FAXC: variants seen among roughly 807,000 people sequenced by gnomAD.
FAXC encodes failed axon connections homolog, metaxin like GST domain containing.
Under a neutral mutation model 41.9 loss-of-function variants are expected in FAXC, and 10 were observed. The observed-to-expected ratio is 0.24, with a 90% CI of 0.15 to 0.41. The LOEUF (loss-of-function observed/expected upper bound fraction) is 0.41. Among genes scored for constraint, FAXC ranks in the 10% least tolerant of loss-of-function variants. FAXC has a pLI of 1.00. For missense variants in FAXC, 399 were observed against 510.9 expected, an observed-to-expected ratio of 0.78 and a Z score of 2.11; for synonymous variants, 183 against 183.8, an observed-to-expected ratio of 1.00 and a Z score of 0.03.
chr6:99,328,727 T>C (rs1772919201), intron 3 of FAXC, among the ~76,000 whole-genome samples: 2 of 152,176 alleles, frequency 1.3e-5, no homozygotes, highest in Admixed American at 6.5e-5. Flanking sequence ...CCCTTCTCTC[T>C]AGTGATAGCT....
intron 2 of FAXC, among the ~76,000 whole-genome samples, chr6:99,339,728 CAT>C (rs932188876): frequency 5.9e-5 from 9 of 151,946 alleles, no homozygotes; most frequent in African/African-American, 1.9e-4. Context: ...AACAAACACA[CAT>C]AGAGCAATGC....
At chr6:99,297,965 G>T (rs1771564409) in intron 4 of FAXC, among the ~76,000 whole-genome samples, 1 of 152,190 alleles carries the variant, frequency 6.6e-6, no homozygotes, top group African/African-American at 2.4e-5. Flanking sequence ...CAGCACCTGA[G>T]TGTTAGTTAG....
At chr6:99,285,323 G>C (rs1022622965) in intron 5 of FAXC, among the ~76,000 whole-genome samples, 5 of 152,182 alleles carry the variant, frequency 3.3e-5, no homozygotes, top group African/African-American at 9.6e-5. Context: ...TCCATCAATA[G>C]GTATTGATGA....
At chr6:99,289,927 TCGGCACCAGAAGA>T (rs374411352) in intron 5 of FAXC, among the ~76,000 whole-genome samples, 1 of 151,866 alleles carries the variant, frequency 6.6e-6, no homozygotes, top group East Asian at 1.9e-4. Context: ...GTGCCACCAC[TCGGCACCAGAAGA>T]GAGTACTGCA....
In FAXC at chr6:99,277,221, G is replaced by A. The variant is rs1582603007; in HGVS notation, c.*3943C>T. On this transcript the variant is annotated 3_prime_UTR_variant, in exon 6 of 6. Coordinates refer to ENST00000389677, the MANE Select transcript of FAXC (RefSeq NM_032511.4). ...CAAAGGTGAAAACACCAGACCCTAAGGAGTAGCCCCTCACCCTGAGGCAAT... is the reference window on the plus strand; with the variant it reads ...CAAAGGTGAAAACACCAGACCCTAAAGAGTAGCCCCTCACCCTGAGGCAAT... 1 of 152,406 alleles carries A rather than the reference G, an allele frequency of 6.6e-6. No homozygotes were observed. Among genetic ancestry groups the A allele is most frequent in the Admixed American group, 6.5e-5 (1 of 15,284 alleles). 9.4% of individuals were successfully genotyped at this position (152,406 alleles called of 1,614,324 possible). A position where few individuals can be genotyped will look rare whatever the true frequency, so the allele number is the denominator to read the frequency against.
Position 99,323,511 on chromosome 6 carries a change from G to A in FAXC, c.756C>T (p.Gly252=), listed in dbSNP as rs552397894. 19 of 1,614,100 alleles carry A rather than the reference G, an allele frequency of 1.2e-5. No homozygotes were observed. Among genetic ancestry groups the A allele is most frequent in the Non-Finnish European group, 1.6e-5 (19 of 1,180,056 alleles). The change falls in exon 4 of 6, where the codon GGC becomes GGT. Residue 252 remains glycine (G), a synonymous_variant. Transcript: ENST00000389677. ...TGTAAATCTCTTCCTCGGAGAAGCGGCCAATGCCGTGGCCGTGCATCTCGC... is the reference window on the plus strand; with the variant it reads ...TGTAAATCTCTTCCTCGGAGAAGCGACCAATGCCGTGGCCGTGCATCTCGC... The part of the protein sequence containing the change: ...VKREMHGHGI[G]RFSEEEIYML...
rs1440322653 is a variant in FAXC at position 99,279,588 on chromosome 6, T to C, written c.*1576A>G. 1 of 152,174 alleles carries C rather than the reference T, an allele frequency of 6.6e-6. No individual in the cohort carries two copies. The highest frequency in any genetic ancestry group is 2.4e-5 in the African/African-American group (1 of 41,434). 9.4% of individuals were successfully genotyped at this position (152,174 alleles called of 1,614,324 possible). On this transcript the variant is annotated 3_prime_UTR_variant, in exon 6 of 6. Coordinates refer to ENST00000389677, the MANE Select transcript of FAXC (RefSeq NM_032511.4). ...GAAGCAAAGCAGTTTTGTTTGCAAT[T>C]GTAAATCTTGGCTCTCCTAGCCCAA...
At chr6:99,305,821 T>C (rs1771898479) in intron 4 of FAXC, among the ~76,000 whole-genome samples, 1 of 152,030 alleles carries the variant, frequency 6.6e-6, no homozygotes, top group African/African-American at 2.4e-5. Flanking sequence ...GCTCCATAAA[T>C]GTCAGTTCTT....
chr6:99,316,718 T>C (rs1772371299), intron 4 of FAXC, among the ~76,000 whole-genome samples: 1 of 152,238 alleles, frequency 6.6e-6, no homozygotes. Context: ...ACAGATTTTC[T>C]ATGACTAATC....
chr6:99,332,637 G>A (rs890411317), intron 3 of FAXC, among the ~76,000 whole-genome samples: 1 of 152,138 alleles, frequency 6.6e-6, no homozygotes, highest in African/African-American at 2.4e-5. Context: ...CAAACTTGGG[G>A]AATACAAACT....
At chr6:99,332,436 C>T (rs1235931486) in intron 3 of FAXC, among the ~76,000 whole-genome samples, 3 of 152,178 alleles carry the variant, frequency 2.0e-5, no homozygotes. Flanking sequence ...TCAAGAGAAA[C>T]TTTCTCTATC....
intron 3 of FAXC, among the ~76,000 whole-genome samples, chr6:99,329,108 T>G (rs577136117): frequency 6.6e-6 from 1 of 152,328 alleles, no homozygotes; most frequent in East Asian, 1.9e-4. Context: ...AATCATTAAC[T>G]GAAGAGGACA....
intron 5 of FAXC, among the ~76,000 whole-genome samples, chr6:99,283,149 A>AT (rs1265674569): frequency 6.6e-6 from 1 of 152,074 alleles, no homozygotes; most frequent in Non-Finnish European, 1.5e-5. Context: ...ACTCTATCTT[A>AT]TTTTTCTGTT....
chr6:99,294,956 T>G (rs1771424640), intron 4 of FAXC, among the ~76,000 whole-genome samples: 2 of 152,210 alleles, frequency 1.3e-5, no homozygotes, highest in African/African-American at 4.8e-5. Context: ...TTGAGAATGC[T>G]ACCAGGTCTC....
intron 4 of FAXC, among the ~76,000 whole-genome samples, chr6:99,295,713 A>G (rs1771464862): frequency 1.3e-5 from 2 of 152,238 alleles, no homozygotes; most frequent in Admixed American, 6.5e-5. Flanking sequence ...AGGGCATCAT[A>G]TCAGGGAGCA....
At position 99,349,130 on chromosome 6, in the gene FAXC, C is replaced by A; in HGVS notation, c.243G>T (p.Leu81=). Residue 81 remains leucine (L), a synonymous_variant, in exon 1 of 6, where the codon CTG becomes CTT. Transcript: ENST00000389677. ...ACCTAATGACCAGGAGTTCGTGGAG[C>A]AGATACGCAGCTGCGGCCAGCAAAG... ...GGALLAAAAY[L]LHELLVIRKQ... is the part of the protein sequence containing the mutation. 1.9e-6 allele frequency: 3 copies of A among 1,613,658 alleles called. No individual in the cohort carries two copies. Among genetic ancestry groups the A allele is most frequent in the African/African-American group, 2.7e-5 (2 of 75,052 alleles).
rs1342148191 is a variant in FAXC at position 99,281,388 on chromosome 6, G to T, written c.1006C>A (p.His336Asn). 1.2e-6 allele frequency: 2 copies of T among 1,614,176 alleles called. No individual in the cohort carries two copies. Among genetic ancestry groups the T allele is most frequent in the South Asian group, 1.1e-5 (1 of 91,084 alleles). Residue 336 changes from histidine (H) to asparagine (N), a missense_variant, in exon 6 of 6, where the codon CAC becomes AAC. Physicochemically the swap from His to Asn is moderately conservative, Grantham distance 68. Transcript: ENST00000389677. ...IRRKFWPEWH[H>N]DDDNTIYESE... ...TCATAGATGGTATTGTCATCATCGT[G>T]GTGCCACTCTGGCCAAAATTTCCTC...
At chr6:99,306,423 G>T (rs908825218) in intron 4 of FAXC, among the ~76,000 whole-genome samples, 3 of 152,180 alleles carry the variant, frequency 2.0e-5, no homozygotes, top group African/African-American at 7.2e-5. Flanking sequence ...AGGGAATGCT[G>T]GGTTGTTGGG....
intron 4 of FAXC, among the ~76,000 whole-genome samples, chr6:99,295,648 T>C (rs1314446354): frequency 6.6e-6 from 1 of 152,204 alleles, no homozygotes; most frequent in East Asian, 1.9e-4. Flanking sequence ...CAACTCCATA[T>C]AATAAATCCT....
Sources: gnomAD v4.1 joint callset for allele counts (sites outside exome capture counted in the v4.1 genomes callset) on GRCh38, gnomAD v4.1.1 for gene constraint, MANE v1.5 for transcripts, NCBI Gene and HGNC (gene_info 2026-07-23, HGNC 2026-07-21) for gene names.